CALCR: variants seen among roughly 807,000 people sequenced by gnomAD.
CALCR encodes the protein calcitonin receptor.
CALCR carries 47 observed loss-of-function variants against 59.5 expected under a neutral mutation model. The observed-to-expected ratio is 0.79, with a 90% CI of 0.63 to 1.01. CALCR has a LOEUF of 1.01. Ranked by LOEUF, CALCR falls within the 50% of genes least tolerant of loss-of-function variation. CALCR has a pLI of 0.00. For synonymous variants in CALCR, 213 were observed against 211.3 expected (o/e 1.01, Z -0.07); for missense variants, 566 against 597.1 (o/e 0.95, Z 0.54).
intron 2 of CALCR, among the ~76,000 whole-genome samples, chr7:93,494,767 C>T (rs1482963075): frequency 6.6e-6 from 1 of 151,232 alleles, no homozygotes; most frequent in Non-Finnish European, 1.5e-5. Context: ...AAAGGAGGTG[C>T]TTTATCAGTT....
At chr7:93,495,791 CTGAT>C in intron 2 of CALCR, 1 of 945,374 alleles carries the variant, frequency 1.1e-6, no homozygotes, top group Non-Finnish European at 1.6e-6. Flanking sequence ...GCCTAAAAAT[CTGAT>C]TGTTGTGGCT....
In CALCR at chr7:93,452,120, C is replaced by T. The variant is rs111518717; in HGVS notation, c.649-8363G>A. Among the ~76,000 whole-genome samples the T allele has an allele frequency of 4.0e-4, 61 of 152,104 alleles. 1 individual carries two copies. Among genetic ancestry groups the T allele is most frequent in the African/African-American group, 1.2e-3 (49 of 41,532 alleles). On this transcript the variant is annotated intron_variant, in intron 8 of 13. Transcript: ENST00000426151. The stretch of plus-strand genomic sequence containing the variant: ...ACCTGTACCCCAAACCTCAACTCCA[C>T]GCAAGATGCCCATGTAAAAGCCTAC...
chr7:93,494,373 C>T (rs187644304), intron 2 of CALCR, among the ~76,000 whole-genome samples: 35 of 151,450 alleles, frequency 2.3e-4, no homozygotes, highest in Non-Finnish European at 1.5e-4. Flanking sequence ...AAGGGGACCC[C>T]CATGGTCTTA....
intron 2 of CALCR, among the ~76,000 whole-genome samples, chr7:93,511,024 T>A (rs1801534858): frequency 6.6e-6 from 1 of 152,006 alleles, no homozygotes; most frequent in South Asian, 2.1e-4. Flanking sequence ...TGACCTTGAA[T>A]TGAGAGCGGA....
At chr7:93,456,150 A>G (rs549486617) in intron 8 of CALCR, among the ~76,000 whole-genome samples, 1 of 152,174 alleles carries the variant, frequency 6.6e-6, no homozygotes, top group African/African-American at 2.4e-5. Flanking sequence ...CAATCTACAG[A>G]CATGAATTAA....
intron 2 of CALCR, among the ~76,000 whole-genome samples, chr7:93,541,283 C>G (rs1789131707): frequency 6.6e-6 from 1 of 152,092 alleles, no homozygotes; most frequent in South Asian, 2.1e-4. Context: ...AAGCGATTCT[C>G]CCACCTCAAC....
At chr7:93,546,143 A>G (rs898114194) in intron 2 of CALCR, among the ~76,000 whole-genome samples, 1 of 152,162 alleles carries the variant, frequency 6.6e-6, no homozygotes, top group African/African-American at 2.4e-5. Context: ...TAACTCTAAC[A>G]AGGTCCAGGT....
intron 8 of CALCR, among the ~76,000 whole-genome samples, chr7:93,456,243 T>C (rs1471522490): frequency 1.3e-5 from 2 of 152,150 alleles, no homozygotes; most frequent in African/African-American, 4.8e-5. Context: ...AATTTTCTCT[T>C]ATGGAAGAAA....
chr7:93,556,355 G>T (rs1414569588), intron 2 of CALCR, among the ~76,000 whole-genome samples: 5 of 152,102 alleles, frequency 3.3e-5, no homozygotes, highest in African/African-American at 1.2e-4. Context: ...TACACTGTTT[G>T]AGTTCAAATG....
intron 7 of CALCR, 98 bp from the exon 8 acceptor site, chr7:93,461,045 A>G: frequency 9.6e-7 from 1 of 1,037,208 alleles, no homozygotes; most frequent in South Asian, 1.6e-5. Flanking sequence ...TTCTTTAAAA[A>G]AAAGATGAAA....
rs150167803 is a variant in CALCR, at chr7:93,469,267, A to G, written c.430-461T>C. 2.6e-3 allele frequency among the ~76,000 whole-genome samples: 390 copies of G among 151,654 alleles called. 3 individuals carry two copies. The highest frequency in any genetic ancestry group is 8.4e-3 in the African/African-American group (348 of 41,434). On this transcript the variant is annotated intron_variant, in intron 6 of 13. Transcript: ENST00000426151. Reference sequence around the variant, plus strand: ...TTTCTGTGCCTTTGTTTAAAATGATATCATTAGTATTTAGTTGGTTGAAGC... The same window carrying G: ...TTTCTGTGCCTTTGTTTAAAATGATGTCATTAGTATTTAGTTGGTTGAAGC...
rs191069203 is a variant in CALCR, at chr7:93,433,436, T to C, written c.1191+817A>G. ...GGAATTATAGATATAGATAAGTTAA[T>C]TGGGAGTTGGTCAGTTTAATTGAAA... is the stretch of plus-strand genomic sequence containing the variant. On this transcript the variant is annotated intron_variant, in intron 13 of 13. Transcript: ENST00000426151. 2.5e-4 allele frequency among the ~76,000 whole-genome samples: 38 copies of C among 152,330 alleles called. No homozygotes were observed. In the East Asian group the frequency reaches 5.6e-3, roughly 22 times the overall value.
intron 2 of CALCR, among the ~76,000 whole-genome samples, chr7:93,541,112 A>T (rs552374132): frequency 6.6e-6 from 1 of 152,308 alleles, no homozygotes; most frequent in South Asian, 2.1e-4. Context: ...AAGACATACA[A>T]ATTGGATTAT....
At position 93,460,963 on chromosome 7, in the gene CALCR, A is replaced by G. The variant is rs778768578; in HGVS notation, c.522-16T>C. 1 of 1,603,572 alleles carries G rather than the reference A, an allele frequency of 6.2e-7. No homozygotes were observed. Among genetic ancestry groups the G allele is most frequent in the East Asian group, 2.3e-5 (1 of 44,248 alleles). ...GCCAAGGCTCCTGGAAGAAAAAGTA[A>G]CATAAAGCATTAACCAGTGCCAAAA... On this transcript the variant is annotated splice_polypyrimidine_tract_variant and intron_variant, in intron 7 of 13. Coordinates refer to ENST00000426151, the MANE Select transcript of CALCR (RefSeq NM_001742.4).
intron 2 of CALCR, among the ~76,000 whole-genome samples, chr7:93,510,622 C>T (rs554022787): frequency 6.6e-6 from 1 of 152,220 alleles, no homozygotes; most frequent in African/African-American, 2.4e-5. Flanking sequence ...AATCCCAGTG[C>T]TTTGGGAGGC....
At chr7:93,486,816 G>T in intron 3 of CALCR, 115 bp downstream of exon 3, 3 of 706,568 alleles carry the variant, frequency 4.2e-6, no homozygotes, top group Non-Finnish European at 7.4e-6. Flanking sequence ...ACTTAGTTTC[G>T]GCTTCTGGAG....
chr7:93,524,544 A>C (rs1801837023), intron 2 of CALCR, among the ~76,000 whole-genome samples: 1 of 151,878 alleles, frequency 6.6e-6, no homozygotes, highest in South Asian at 2.1e-4. Flanking sequence ...GTATTCTTAT[A>C]TCTCATATAT....
chr7:93,460,572 A>ATAC (rs1554397786), intron 8 of CALCR, among the ~76,000 whole-genome samples: 1 of 66,542 alleles, frequency 1.5e-5, no homozygotes, highest in African/African-American at 1.0e-4. Flanking sequence ...AAAAAAAAAA[A>ATAC]ATATATATAT....
Position 93,460,580 on chromosome 7 carries a change from T to TATATATATATATATATATAC in CALCR, c.648+240_648+241insGTATATATATATATATATAT, listed in dbSNP as rs1562982468. Among the ~76,000 whole-genome samples the TATATATATATATATATATAC allele has an allele frequency of 1.3e-4, 14 of 111,964 alleles. No homozygotes were observed. The South Asian group carries it at 3.4e-3, about 27-fold the overall frequency. The allele number at this position is 111,964 out of a possible 152,430, so 73.5% of individuals were successfully genotyped here. On this transcript the variant is annotated intron_variant, in intron 8 of 13. Coordinates refer to ENST00000426151, the MANE Select transcript of CALCR (RefSeq NM_001742.4). The stretch of plus-strand genomic sequence containing the variant: ...AAAAAAAAAAAAAAAAAAATATATA[T>TATATATATATATATATATAC]ATATATATATATGTATATATATATA...
Sources: gnomAD v4.1 joint callset for allele counts (sites outside exome capture counted in the v4.1 genomes callset) on GRCh38, gnomAD v4.1.1 for gene constraint, MANE v1.5 for transcripts, NCBI Gene and HGNC (gene_info 2026-07-23, HGNC 2026-07-21) for gene names.